FAM227B: variants seen among roughly 807,000 people sequenced by gnomAD.
FAM227B encodes the protein family with sequence similarity 227 member B, also known as protein FAM227B.
FAM227B carries 88 observed loss-of-function variants against 73.8 expected under a neutral mutation model. The observed-to-expected ratio is 1.19, with a 90% CI of 1.00 to 1.42. FAM227B has a LOEUF of 1.42. Among genes scored for constraint, FAM227B ranks in the 40% most tolerant of loss-of-function variants. The probability of loss-of-function intolerance (pLI) is 0.00; values close to 1 mark genes in which losing one functional copy is unlikely to be tolerated. For synonymous variants in FAM227B, 210 were observed against 190.5 expected, an observed-to-expected ratio of 1.10 and a Z score of -0.84; for missense variants, 632 against 590.9, an observed-to-expected ratio of 1.07 and a Z score of -0.72.
chr15:49,492,542 T>C (rs917486068), intron 11 of FAM227B, among the ~76,000 whole-genome samples: 11 of 151,920 alleles, frequency 7.2e-5, no homozygotes, highest in Non-Finnish European at 1.3e-4. Context: ...GCTATTCATC[T>C]GTCCAACTTT....
intron 11 of FAM227B, chr15:49,489,381 G>A (rs765627380): frequency 3.7e-4 from 362 of 984,462 alleles, no homozygotes; most frequent in Middle Eastern, 3.7e-3. Context: ...GGGATACTGC[G>A]TGGTCCATTC....
intron 13 of FAM227B, among the ~76,000 whole-genome samples, chr15:49,335,769 G>C (rs1238684834): frequency 6.6e-6 from 1 of 152,198 alleles, no homozygotes; most frequent in Admixed American, 6.5e-5. Context: ...CCTTTTGTAT[G>C]TGTTTGTTTT....
chr15:49,347,134 T>C (rs955163285), intron 13 of FAM227B, among the ~76,000 whole-genome samples: 1 of 152,206 alleles, frequency 6.6e-6, no homozygotes, highest in Non-Finnish European at 1.5e-5. Context: ...AGCAGTTTTG[T>C]AGTATACTCA....
rs761561337 is a variant in FAM227B at position 49,328,084 on chromosome 15, A to AAGCTT, written c.*479_*483dup. On this transcript the variant is annotated 3_prime_UTR_variant, in exon 16 of 16. Transcript: ENST00000299338. ...AAGCTTATTACCAGAGGAGTGATGG[A>AAGCTT]AGCTTAGCACCGGAGAAGCAAAGTT... 4 of 1,614,080 alleles carry AAGCTT rather than the reference A, an allele frequency of 2.5e-6. No homozygotes were observed. Among genetic ancestry groups the AAGCTT allele is most frequent in the Non-Finnish European group, 1.7e-6 (2 of 1,179,992 alleles).
intron 11 of FAM227B, among the ~76,000 whole-genome samples, chr15:49,458,335 C>T (rs969675961): frequency 6.6e-6 from 1 of 152,018 alleles, no homozygotes; most frequent in African/African-American, 2.4e-5. Flanking sequence ...CACAAATAAG[C>T]TATTACTTGG....
intron 5 of FAM227B, 62 bp from the exon 6 acceptor site, chr15:49,577,726 A>G (rs77218186): frequency 0.014 from 14,707 of 1,077,814 alleles, 153 homozygotes; most frequent in African/African-American, 0.029. Context: ...ACATTTAGTA[A>G]ATTTGTTCAG....
In FAM227B at chr15:49,366,040, T is replaced by C. The variant is rs578209357; in HGVS notation, c.1271+1408A>G. The C allele has an allele frequency of 2.2e-5, 18 of 808,656 alleles. No individual in the cohort carries two copies. In the Middle Eastern group the frequency reaches 2.8e-3, roughly 125 times the overall value. 50.1% of individuals were successfully genotyped at this position (808,656 alleles called of 1,614,324 possible). On this transcript the variant is annotated intron_variant, in intron 13 of 15. Transcript: ENST00000299338. ...AACTGTAAGAGGACTAAAAGTTAGA[T>C]ATTCTTCCTTTTTTTTCCCTCATTT...
At chr15:49,367,866 G>GAAAAAAAAAAA (rs34096112) in intron 12 of FAM227B, 7 of 116,830 alleles carry the variant, frequency 6.0e-5, no homozygotes, top group Non-Finnish European at 7.1e-5. Flanking sequence ...CTTAAGAACA[G>GAAAAAAAAAAA]AAAAAAAAAA....
chr15:49,406,432 T>C (rs1685779728), intron 11 of FAM227B, among the ~76,000 whole-genome samples: 1 of 151,822 alleles, frequency 6.6e-6, no homozygotes, highest in South Asian at 2.1e-4. Flanking sequence ...GTTGGCACGG[T>C]GTTGGGGCGC....
chr15:49,525,150 G>C (rs1057152371), intron 10 of FAM227B, among the ~76,000 whole-genome samples: 1 of 152,118 alleles, frequency 6.6e-6, no homozygotes, highest in East Asian at 1.9e-4. Context: ...TGGCTTGGCT[G>C]TGTCCCCACC....
chr15:49,586,033 T>A (rs758159362), intron 5 of FAM227B, among the ~76,000 whole-genome samples: 32 of 152,186 alleles, frequency 2.1e-4, no homozygotes, highest in African/African-American at 3.9e-4. Flanking sequence ...GGCTCTTTTT[T>A]AAATTCATAT....
intron 13 of FAM227B, chr15:49,366,248 A>G (rs2045164170): frequency 1.3e-6 from 1 of 786,418 alleles, no homozygotes; most frequent in Non-Finnish European, 2.4e-6. Context: ...CTTCATATCT[A>G]TAAAGTCTTT....
At chr15:49,574,410 G>A (rs966914058) in intron 8 of FAM227B, among the ~76,000 whole-genome samples, 3 of 152,080 alleles carry the variant, frequency 2.0e-5, no homozygotes, top group Non-Finnish European at 4.4e-5. Context: ...TTTCCCCCAC[G>A]ATGTTCTCGT....
chr15:49,613,790 G>A (rs7164283), intron 2 of FAM227B, among the ~76,000 whole-genome samples: 94,191 of 151,768 alleles, frequency 0.62, 30,733 homozygotes, highest in Non-Finnish European at 0.73. Flanking sequence ...ATAAAAATTT[G>A]AAAAAGGAAA....
intron 11 of FAM227B, among the ~76,000 whole-genome samples, chr15:49,391,527 G>C (rs984195138): frequency 1.1e-4 from 17 of 152,126 alleles, no homozygotes; most frequent in Non-Finnish European, 2.4e-4. Context: ...ACAGACTTCA[G>C]ATAAAGGGAA....
intron 7 of FAM227B, among the ~76,000 whole-genome samples, chr15:49,575,644 T>C (rs899238961): frequency 3.3e-5 from 5 of 152,152 alleles, no homozygotes; most frequent in South Asian, 2.1e-4. Context: ...ATATTTCATA[T>C]GCTCAATAAT....
intron 15 of FAM227B, chr15:49,329,516 T>C (rs2038192288): frequency 1.0e-6 from 1 of 985,252 alleles, no homozygotes; most frequent in South Asian, 4.7e-5. Flanking sequence ...AAGGGAGGCC[T>C]GCGCAAAGCT....
At chr15:49,352,882 T>C (rs751406309) in intron 13 of FAM227B, among the ~76,000 whole-genome samples, 22 of 152,214 alleles carry the variant, frequency 1.4e-4, no homozygotes, top group Non-Finnish European at 3.1e-4. Context: ...CTGGAATTTC[T>C]TGGTTTTGAG....
chr15:49,349,419 AAAAAT>A lies in FAM227B; in HGVS notation c.1272-13928_1272-13924del, dbSNP rs1443830910. On this transcript the variant is annotated intron_variant, in intron 13 of 15. Transcript: ENST00000299338. ...AGAACAGCTTCAAGTGTAAGCCATC[AAAAAT>A]AAAATAAAATGTCTTTCTCTAAGAG... is the stretch of plus-strand genomic sequence containing the variant. Among the ~76,000 whole-genome samples, 20 of 152,368 alleles carry A rather than the reference AAAAAT, an allele frequency of 1.3e-4. 1 individual carries two copies. Among genetic ancestry groups the A allele is most frequent in the Admixed American group, 8.5e-4 (13 of 15,308 alleles).
Sources: allele counts gnomAD v4.1 joint callset (sites outside exome capture counted in the v4.1 genomes callset), GRCh38; gene constraint gnomAD v4.1.1; transcripts MANE v1.5; gene names NCBI Gene and HGNC (gene_info 2026-07-23, HGNC 2026-07-21).